Variants in PTPRG observed in about 807,000 individuals in gnomAD.
PTPRG encodes receptor-type tyrosine-protein phosphatase gamma.
PTPRG carries 102 observed loss-of-function variants against 165.3 expected under a neutral mutation model. The ratio of observed to expected loss-of-function variants is 0.62; its 90% CI spans 0.53 to 0.73. PTPRG has a LOEUF of 0.73. Ranked by LOEUF, PTPRG falls within the 30% of genes least tolerant of loss-of-function variation. The pLI is 0.00. For synonymous variants in PTPRG, 675 were observed against 669.5 expected (o/e 1.01, Z -0.13); for missense variants, 1,866 against 1,861.4 (o/e 1.00, Z -0.05).
rs150748443 is a variant in PTPRG, at chr3:62,074,018, A to G, written c.520-4145A>G. On this transcript the variant is annotated intron_variant, in intron 4 of 29. Transcript: ENST00000474889. ...AACTTGAAAATGGTCTGTGAATTAG[A>G]TAATAGTATTGTGTTAATGTGAAGT... Among the ~76,000 whole-genome samples, 3 of 152,334 alleles carry G rather than the reference A, an allele frequency of 2.0e-5. No homozygotes were observed. In the East Asian group the frequency reaches 5.8e-4, roughly 29 times the overall value.
chr3:61,618,455 A>C (rs964944742), intron 1 of PTPRG, among the ~76,000 whole-genome samples: 43 of 152,174 alleles, frequency 2.8e-4, no homozygotes, highest in Non-Finnish European at 2.8e-4. Flanking sequence ...TTAAGACTAA[A>C]GCATGGTGGG....
chr3:61,594,622 G>C (rs1164450852), intron 1 of PTPRG, among the ~76,000 whole-genome samples: 1 of 152,180 alleles, frequency 6.6e-6, no homozygotes, highest in African/African-American at 2.4e-5. Context: ...TTGTTAGGTA[G>C]ACTGTTACTC....
At chr3:61,666,996 C>G (rs767546442) in intron 1 of PTPRG, among the ~76,000 whole-genome samples, 3 of 152,156 alleles carry the variant, frequency 2.0e-5, no homozygotes, top group African/African-American at 7.2e-5. Flanking sequence ...TCTCCTCTCC[C>G]TTACCCCCCC....
chr3:62,126,001 T>C (rs6762288), intron 5 of PTPRG, among the ~76,000 whole-genome samples: 26,994 of 152,076 alleles, frequency 0.18, 2,622 homozygotes, highest in African/African-American at 0.25. Context: ...CCATCCCACT[T>C]CCTCCCTCTC....
chr3:62,009,073 T>G (rs1486697119), intron 4 of PTPRG, among the ~76,000 whole-genome samples: 1 of 152,250 alleles, frequency 6.6e-6, no homozygotes, highest in African/African-American at 2.4e-5. Flanking sequence ...TAGCTTCACA[T>G]TTCTTCATAT....
intron 6 of PTPRG, among the ~76,000 whole-genome samples, chr3:62,145,196 CT>C (rs1704075526): frequency 6.6e-6 from 1 of 152,144 alleles, no homozygotes; most frequent in Non-Finnish European, 1.5e-5. Context: ...GTCGTACAAC[CT>C]GAACAAACCA....
intron 5 of PTPRG, among the ~76,000 whole-genome samples, chr3:62,102,012 G>A (rs1168167565): frequency 6.6e-6 from 1 of 151,526 alleles, no homozygotes. Flanking sequence ...TTCCTACTTT[G>A]ATTGGCATTC....
At chr3:61,866,177 T>C (rs993654085) in intron 2 of PTPRG, among the ~76,000 whole-genome samples, 1 of 152,236 alleles carries the variant, frequency 6.6e-6, no homozygotes, top group South Asian at 2.1e-4. Context: ...GACATTGATC[T>C]GTTCACTCTT....
At chr3:61,976,133 T>A (rs1180586355) in intron 2 of PTPRG, among the ~76,000 whole-genome samples, 1 of 152,176 alleles carries the variant, frequency 6.6e-6, no homozygotes, top group Non-Finnish European at 1.5e-5. Flanking sequence ...TTCAGCGAGA[T>A]CCTTGACAGA....
intron 5 of PTPRG, among the ~76,000 whole-genome samples, chr3:62,103,687 G>A (rs933221812): frequency 1.3e-5 from 2 of 152,178 alleles, no homozygotes; most frequent in Admixed American, 1.3e-4. Flanking sequence ...AGGCCAGGTG[G>A]CAGAGTATCT....
At position 61,719,701 on chromosome 3, in the gene PTPRG, G is replaced by C. The variant is rs539032969; in HGVS notation, c.86-29177G>C. Among the ~76,000 whole-genome samples, 8 of 152,232 alleles carry C rather than the reference G, an allele frequency of 5.3e-5. No individual in the cohort carries two copies. In the South Asian group the frequency reaches 1.7e-3, roughly 32 times the overall value. The stretch of plus-strand genomic sequence containing the variant: ...TGTTAATCAATTCTGAAGTCTCTCT[G>C]AATTGAGGCCATGTGTGGTTGGGGT... On this transcript the variant is annotated intron_variant, in intron 1 of 29. Transcript: ENST00000474889.
intron 2 of PTPRG, among the ~76,000 whole-genome samples, chr3:61,895,926 A>G (rs1404531172): frequency 2.0e-5 from 3 of 152,088 alleles, no homozygotes; most frequent in African/African-American, 7.3e-5. Flanking sequence ...TAATACAGAG[A>G]TATCACTTAT....
intron 4 of PTPRG, among the ~76,000 whole-genome samples, chr3:62,067,771 A>G (rs916066906): frequency 2.0e-5 from 3 of 152,180 alleles, no homozygotes; most frequent in African/African-American, 7.2e-5. Flanking sequence ...GGCAGAGCTC[A>G]GTCAATAATG....
intron 2 of PTPRG, among the ~76,000 whole-genome samples, chr3:61,787,208 TAAA>T (rs1201968345): frequency 6.6e-6 from 1 of 152,228 alleles, no homozygotes; most frequent in Non-Finnish European, 1.5e-5. Context: ...AAGTGATTGA[TAAA>T]GAAGGAATTA....
intron 4 of PTPRG, among the ~76,000 whole-genome samples, chr3:62,059,276 C>T (rs1480014470): frequency 6.6e-6 from 1 of 152,194 alleles, no homozygotes; most frequent in African/African-American, 2.4e-5. Flanking sequence ...ATAGATGATT[C>T]TTAGACTTGG....
chr3:61,817,038 A>T (rs1487559278), intron 2 of PTPRG, among the ~76,000 whole-genome samples: 1 of 132,208 alleles, frequency 7.6e-6, no homozygotes, highest in South Asian at 2.2e-4. Context: ...TATAGTATAT[A>T]ATATATAATA....
intron 4 of PTPRG, among the ~76,000 whole-genome samples, chr3:62,021,129 A>T (rs1435322473): frequency 7.3e-6 from 1 of 136,268 alleles, no homozygotes; most frequent in Non-Finnish European, 1.6e-5. Context: ...TACCTGCGTG[A>T]TAAGAGTTTT....
chr3:62,170,250 T>A lies in PTPRG; in HGVS notation c.1033+2087T>A, dbSNP rs888952589. Among the ~76,000 whole-genome samples, 13 of 150,498 alleles carry A rather than the reference T, an allele frequency of 8.6e-5. No homozygotes were observed. In the South Asian group the frequency reaches 1.1e-3, roughly 12 times the overall value. On this transcript the variant is annotated intron_variant, in intron 8 of 29. Transcript: ENST00000474889. The stretch of plus-strand genomic sequence containing the variant: ...GAACTAATTTTTTTTTTAACCTAGT[T>A]AAAAAAAAATGAAGAAAATAACCCA...
At chr3:62,109,163 T>C (rs1702579359) in intron 5 of PTPRG, among the ~76,000 whole-genome samples, 1 of 152,230 alleles carries the variant, frequency 6.6e-6, no homozygotes, top group South Asian at 2.1e-4. Context: ...TCTTCTAGGA[T>C]TTTTATGGTC....
Sources: allele counts gnomAD v4.1 joint callset (sites outside exome capture counted in the v4.1 genomes callset), GRCh38; gene constraint gnomAD v4.1.1; transcripts MANE v1.5; gene names NCBI Gene and HGNC (gene_info 2026-07-23, HGNC 2026-07-21).